OMA1: variants seen among roughly 807,000 people sequenced by gnomAD.
OMA1 encodes metalloendopeptidase OMA1, mitochondrial.
In OMA1, 38 loss-of-function variants were observed where a neutral mutation model predicts 30.9. The ratio of observed to expected loss-of-function variants is 1.23; its 90% CI spans 0.95 to 1.61. OMA1 has a LOEUF of 1.61. OMA1 is among the 40% of genes most tolerant of loss of function. The pLI is 0.00. For synonymous variants in OMA1, 173 were observed against 121.9 expected (o/e 1.42, Z -2.76); for missense variants, 461 against 349.2 (o/e 1.32, Z -2.55).
chr1:58,539,524 A>C (rs997150384), intron 1 of OMA1, among the ~76,000 whole-genome samples: 1 of 148,080 alleles, frequency 6.8e-6, no homozygotes, highest in Non-Finnish European at 1.5e-5. Context: ...CGTTTACTTT[A>C]GAAGCTTGAA....
At chr1:58,517,097 T>C (rs1263589285) in intron 7 of OMA1, among the ~76,000 whole-genome samples, 4 of 152,300 alleles carry the variant, frequency 2.6e-5, no homozygotes, top group South Asian at 4.1e-4. Flanking sequence ...AATAACTCTT[T>C]GATGGAAGTA....
chr1:58,536,115 G>GA (rs989811621), intron 3 of OMA1, among the ~76,000 whole-genome samples: 1 of 151,982 alleles, frequency 6.6e-6, no homozygotes, highest in Non-Finnish European at 1.5e-5. Context: ...AGTATGCAGA[G>GA]AAAAAAAGCC....
At chr1:58,490,429 ATATGGGAC>A (rs1218106201) in intron 8 of OMA1, among the ~76,000 whole-genome samples, 1 of 152,244 alleles carries the variant, frequency 6.6e-6, no homozygotes, top group Non-Finnish European at 1.5e-5. Context: ...CCTCCAAGAA[ATATGGGAC>A]TATGTGAAAA....
intron 7 of OMA1, among the ~76,000 whole-genome samples, chr1:58,519,618 T>C (rs1646229061): frequency 6.6e-6 from 1 of 152,160 alleles, no homozygotes; most frequent in South Asian, 2.1e-4. Flanking sequence ...GAACTGTTTA[T>C]ATGAAACATC....
chr1:58,491,924 A>G (rs1416132398), intron 8 of OMA1, among the ~76,000 whole-genome samples: 1 of 152,206 alleles, frequency 6.6e-6, no homozygotes, highest in Non-Finnish European at 1.5e-5. Context: ...CCTAATAGAC[A>G]TCTACAGAAC....
intron 8 of OMA1, among the ~76,000 whole-genome samples, chr1:58,492,621 G>C (rs1431434742): frequency 6.6e-6 from 1 of 152,182 alleles, no homozygotes; most frequent in African/African-American, 2.4e-5. Flanking sequence ...ACTACCATCA[G>C]AGAATACTAT....
intron 1 of OMA1, among the ~76,000 whole-genome samples, chr1:58,545,433 G>T (rs976038998): frequency 6.6e-6 from 1 of 152,046 alleles, no homozygotes; most frequent in Non-Finnish European, 1.5e-5. Flanking sequence ...TTATCCTGAA[G>T]AAAGGGTAAA....
At chr1:58,498,928 T>C (rs1645850116) in intron 8 of OMA1, among the ~76,000 whole-genome samples, 1 of 152,018 alleles carries the variant, frequency 6.6e-6, no homozygotes, top group Non-Finnish European at 1.5e-5. Context: ...TTAAAGTAAA[T>C]ACAAAAAATT....
chr1:58,511,206 G>T (rs1646071766), intron 7 of OMA1, among the ~76,000 whole-genome samples: 1 of 152,272 alleles, frequency 6.6e-6, no homozygotes, highest in Middle Eastern at 3.4e-3. Flanking sequence ...GAGGCATCAT[G>T]CTTCCTGATT....
At chr1:58,533,682 TA>T (rs1646471860) in intron 5 of OMA1, among the ~76,000 whole-genome samples, 1 of 152,126 alleles carries the variant, frequency 6.6e-6, no homozygotes, top group Non-Finnish European at 1.5e-5. Context: ...TTGAAATAAT[TA>T]GGGGTTGAGA....
At chr1:58,496,680 C>T (rs1645808443) in intron 8 of OMA1, among the ~76,000 whole-genome samples, 2 of 152,136 alleles carry the variant, frequency 1.3e-5, no homozygotes, top group South Asian at 4.1e-4. Context: ...TTCCTTTCAA[C>T]TCTGTTTTTC....
intron 8 of OMA1, among the ~76,000 whole-genome samples, chr1:58,497,242 G>T (rs1394129220): frequency 6.6e-6 from 1 of 152,082 alleles, no homozygotes. Flanking sequence ...CAAAAGGGAG[G>T]GGGGTACTGT....
chr1:58,525,042 A>T (rs1227177293), intron 7 of OMA1, among the ~76,000 whole-genome samples: 1 of 152,226 alleles, frequency 6.6e-6, no homozygotes, highest in Non-Finnish European at 1.5e-5. Context: ...TTATGATTTA[A>T]TACTGCATCT....
intron 8 of OMA1, among the ~76,000 whole-genome samples, chr1:58,500,293 CA>C (rs1318816992): frequency 5.3e-5 from 8 of 152,146 alleles, no homozygotes; most frequent in African/African-American, 1.7e-4. Flanking sequence ...GCCTTTTCCT[CA>C]ACACTCTCTA....
chr1:58,516,763 T>C (rs1646163676), intron 7 of OMA1, among the ~76,000 whole-genome samples: 1 of 152,108 alleles, frequency 6.6e-6, no homozygotes, highest in Admixed American at 6.6e-5. Flanking sequence ...CTCTCAGAAA[T>C]AGTTCCCAGT....
At chr1:58,516,620 G>A (rs576422104) in intron 7 of OMA1, among the ~76,000 whole-genome samples, 15 of 152,288 alleles carry the variant, frequency 9.8e-5, no homozygotes, top group Non-Finnish European at 1.8e-4. Context: ...CAGTAGCAGA[G>A]GAGCAGCAGA....
At chr1:58,499,477 T>TATAGATAGATAGATAG (rs60917151) in intron 8 of OMA1, among the ~76,000 whole-genome samples, 27,577 of 143,540 alleles carry the variant, frequency 0.19, 2,803 homozygotes, top group East Asian at 0.21. Flanking sequence ...AAAGCCAGAC[T>TATAGATAGATAGATAG]ATAGATAGAT....
chr1:58,530,638 G>A lies in OMA1; in HGVS notation c.1103C>T (p.Ala368Val). 2.3e-6 allele frequency: 2 copies of A among 872,752 alleles called. No homozygotes were observed. The highest frequency in any genetic ancestry group is 4.0e-6 in the Non-Finnish European group (2 of 501,576). 54.1% of individuals were successfully genotyped at this position (872,752 alleles called of 1,614,324 possible). A position where few individuals can be genotyped will look rare whatever the true frequency, so the allele number is the denominator to read the frequency against. Residue 368 changes from alanine (A) to valine (V), a missense_variant, in exon 6 of 9, where the codon GCA (alanine) becomes GTA (valine). Transcript: ENST00000371226. ...IWAICPRDSLALLCQWIQSKL... is the reference protein window; with the variant it reads ...IWAICPRDSLVLLCQWIQSKL... ...AGACTGTATCCACTGGCACAAAAGT[G>A]CCAAGCTATCTCGAGGACAAATGGC... is the stretch of plus-strand genomic sequence containing the variant.
At chr1:58,504,555 T>A (rs1379612909) in intron 8 of OMA1, among the ~76,000 whole-genome samples, 3 of 152,210 alleles carry the variant, frequency 2.0e-5, no homozygotes, top group Non-Finnish European at 4.4e-5. Flanking sequence ...GCATACTATA[T>A]GTTTGTTTCT....
Sources: gnomAD v4.1 joint callset for allele counts (sites outside exome capture counted in the v4.1 genomes callset) on GRCh38, gnomAD v4.1.1 for gene constraint, MANE v1.5 for transcripts, NCBI Gene and HGNC (gene_info 2026-07-23, HGNC 2026-07-21) for gene names.